The following KIRREL3 variants were observed in gnomAD, a reference collection of about 807,000 sequenced individuals.
KIRREL3 encodes the protein kirre like nephrin family adhesion molecule 3, also known as kin of IRRE-like protein 3.
A neutral mutation model predicts 89.7 loss-of-function variants in KIRREL3; 36 were observed. The ratio of observed to expected loss-of-function variants is 0.40; its 90% CI spans 0.31 to 0.53. KIRREL3 has a LOEUF of 0.53. Among genes scored for constraint, KIRREL3 ranks in the 20% least tolerant of loss-of-function variants. The pLI is 0.49. For missense variants in KIRREL3, 864 were observed against 1,056.6 expected (o/e 0.82, Z 2.53); for synonymous variants, 445 against 441.4 (o/e 1.01, Z -0.10).
At chr11:126,657,870 A>G (rs693253) in intron 1 of KIRREL3, among the ~76,000 whole-genome samples, 67,355 of 151,968 alleles carry the variant, frequency 0.44, 15,388 homozygotes, top group East Asian at 0.59. Context: ...CTTTACTGCT[A>G]TCTACCGGAA....
Position 126,872,390 on chromosome 11 carries a change from G to C in KIRREL3, c.55+128065C>G, listed in dbSNP as rs570467597. Among the ~76,000 whole-genome samples, 18 of 152,338 alleles carry C rather than the reference G, an allele frequency of 1.2e-4. No individual in the cohort carries two copies. The highest frequency in any genetic ancestry group is 4.1e-4 in the African/African-American group (17 of 41,570). Reference sequence around the variant, plus strand: ...CCATATGCTGCTATTCTGGGCATGGGCACGGGGCTTATGGGGTAGCCCTGC... The same window carrying C: ...CCATATGCTGCTATTCTGGGCATGGCCACGGGGCTTATGGGGTAGCCCTGC... On this transcript the variant is annotated intron_variant, in intron 1 of 16. Transcript: ENST00000525144. This position sits in a 1 kb window ranked among gnomAD's most constrained non-coding sequence, Gnocchi z 4.2.
rs1943837005 is a variant in KIRREL3, at chr11:126,837,991, A to T, written c.55+162464T>A. The stretch of plus-strand genomic sequence containing the variant: ...ATTTGGAATTCACGTTATTTATATT[A>T]CTAATCCTGTCCCCAGACCTGTAAG... On this transcript the variant is annotated intron_variant, in intron 1 of 16. Coordinates refer to ENST00000525144, the MANE Select transcript of KIRREL3 (RefSeq NM_032531.4). This position sits in a 1 kb window ranked among gnomAD's most constrained non-coding sequence, Gnocchi z 4.7. Among the ~76,000 whole-genome samples the T allele has an allele frequency of 6.6e-6, 1 of 152,188 alleles. No individual in the cohort carries two copies. The highest frequency in any genetic ancestry group is 6.5e-5 in the Admixed American group (1 of 15,278).
intron 1 of KIRREL3, among the ~76,000 whole-genome samples, chr11:126,923,229 T>TTC (rs1736679409): frequency 4.5e-5 from 2 of 44,672 alleles, no homozygotes; most frequent in African/African-American, 9.6e-5. Flanking sequence ...CTTCTTCTTC[T>TTC]TCTTCTTCTT....
rs548243978 is a variant in KIRREL3 at position 126,773,832 on chromosome 11, G to A, written c.56-210920C>T. The stretch of plus-strand genomic sequence containing the variant: ...CATAGATGAAAAGTAAAAACAGAAT[G>A]TGATTCCAAATTATTTGAATACTTC... On this transcript the variant is annotated intron_variant, in intron 1 of 16. Transcript: ENST00000525144. This position sits in a 1 kb window ranked among gnomAD's most constrained non-coding sequence, Gnocchi z 4.2. Among the ~76,000 whole-genome samples, 12 of 152,338 alleles carry A rather than the reference G, an allele frequency of 7.9e-5. No homozygotes were observed. The highest frequency in any genetic ancestry group is 2.6e-4 in the African/African-American group (11 of 41,576).
intron 1 of KIRREL3, among the ~76,000 whole-genome samples, chr11:126,866,566 C>T (rs1944927834): frequency 6.9e-6 from 1 of 145,896 alleles, no homozygotes; most frequent in African/African-American, 2.6e-5. Context: ...TGCCCACGGG[C>T]CTAAGTGAGG....
At position 126,998,829 on chromosome 11, in the gene KIRREL3, G is replaced by T. The variant is rs112654815; in HGVS notation, c.55+1626C>A. Among the ~76,000 whole-genome samples, 171 of 152,158 alleles carry T rather than the reference G, an allele frequency of 1.1e-3. 1 individual carries two copies. The highest frequency in any genetic ancestry group is 3.9e-3 in the African/African-American group (163 of 41,516). On this transcript the variant is annotated intron_variant, in intron 1 of 16. Transcript: ENST00000525144. ...TGCAAATGTGAGTTTGTGTGTTTACGGGGGGTTGGTTGGAAGATTCCCTCC... is the reference window on the plus strand; with the variant it reads ...TGCAAATGTGAGTTTGTGTGTTTACTGGGGGTTGGTTGGAAGATTCCCTCC...
rs915066263 is a variant in KIRREL3 at position 126,642,315 on chromosome 11, C to T, written c.56-79403G>A. 1.3e-5 allele frequency among the ~76,000 whole-genome samples: 2 copies of T among 152,238 alleles called. No homozygotes were observed. The highest frequency in any genetic ancestry group is 4.8e-5 in the African/African-American group (2 of 41,456). ...GCAAGAGGCTCTGTTTGCGCCAAGT[C>T]TCCCTGTAAACACTGTGGTTATGCC... On this transcript the variant is annotated intron_variant, in intron 1 of 16. Coordinates refer to ENST00000525144, the MANE Select transcript of KIRREL3 (RefSeq NM_032531.4). The surrounding 1 kb of genome is among the most constrained non-coding windows in gnomAD (Gnocchi z 4.9).
intron 1 of KIRREL3, among the ~76,000 whole-genome samples, chr11:126,741,322 A>C (rs1004541373): frequency 2.6e-5 from 4 of 152,142 alleles, no homozygotes; most frequent in African/African-American, 9.7e-5. Context: ...TACAGTCTTT[A>C]TGGTCTTTCA....
At chr11:126,582,345 C>T (rs1476161687) in intron 1 of KIRREL3, among the ~76,000 whole-genome samples, 1 of 152,206 alleles carries the variant, frequency 6.6e-6, no homozygotes, top group Non-Finnish European at 1.5e-5. Context: ...ACAGAGGTGC[C>T]TTCACCAGCC....
chr11:126,466,850 G>A lies in KIRREL3; in HGVS notation c.592-3543C>T, dbSNP rs61049023. On this transcript the variant is annotated intron_variant, in intron 5 of 16. Coordinates refer to ENST00000525144, the MANE Select transcript of KIRREL3 (RefSeq NM_032531.4). ...TCAGAAAGCTTCATGCCTTGCAGGT[G>A]AGCTCCAGAAGGAAGTGAGTTATTC... is the stretch of plus-strand genomic sequence containing the variant. Among the ~76,000 whole-genome samples the A allele has an allele frequency of 6.4e-3, 973 of 152,296 alleles. 14 individuals are homozygous for A. Among genetic ancestry groups the A allele is most frequent in the African/African-American group, 0.021 (875 of 41,552 alleles).
chr11:126,941,530 T>G (rs899818890), intron 1 of KIRREL3, among the ~76,000 whole-genome samples: 1 of 152,200 alleles, frequency 6.6e-6, no homozygotes, highest in African/African-American at 2.4e-5. Context: ...CCTCGCATGG[T>G]GCATAAACTG....
chr11:126,959,958 CCTT>C (rs1222651417), intron 1 of KIRREL3, among the ~76,000 whole-genome samples: 1 of 152,172 alleles, frequency 6.6e-6, no homozygotes, highest in Non-Finnish European at 1.5e-5. Context: ...ATTCTGTACT[CCTT>C]CTGGGTAGGA....
At chr11:126,839,085 C>T (rs536353295) in intron 1 of KIRREL3, among the ~76,000 whole-genome samples, 2 of 152,174 alleles carry the variant, frequency 1.3e-5, no homozygotes, top group Non-Finnish European at 1.5e-5. Flanking sequence ...CTCTAGCCAG[C>T]GATGAGCCAT....
chr11:126,832,528 G>C (rs1437801666), intron 1 of KIRREL3, among the ~76,000 whole-genome samples: 2 of 152,146 alleles, frequency 1.3e-5, no homozygotes, highest in Non-Finnish European at 2.9e-5. Context: ...AAGACAGCAG[G>C]TTCCTTGCAT....
rs1387224210 is a variant in KIRREL3, at chr11:126,440,791, A to AAAT, written c.1253-243_1253-242insATT. On this transcript the variant is annotated intron_variant, in intron 10 of 16. Coordinates refer to ENST00000525144, the MANE Select transcript of KIRREL3 (RefSeq NM_032531.4). ...GTCAGAACCCCCAGAAGATACAAAT[A>AAAT]ACTGTAATAAAAGGTGGTGAGTGTT... 5.1e-4 allele frequency: 298 copies of AAAT among 580,646 alleles called. 2 individuals carry two copies. Among genetic ancestry groups the AAAT allele is most frequent in the African/African-American group, 5.0e-3 (268 of 53,574 alleles). The allele number at this position is 580,646 out of a possible 1,614,324, so 36.0% of individuals were successfully genotyped here. A position where few individuals can be genotyped will look rare whatever the true frequency, so the allele number is the denominator to read the frequency against.
chr11:126,429,517 A>G lies in KIRREL3; in HGVS notation c.1697-229T>C, dbSNP rs1176344724. ...CCATGGCCGGCCTGCCTCCTGTCAC[A>G]TGCCCCTCAGCCATGCACCCTTGGC... On this transcript the variant is annotated intron_variant, in intron 14 of 16. Transcript: ENST00000525144. The surrounding 1 kb of genome is among the most constrained non-coding windows in gnomAD (Gnocchi z 5.2). Among the ~76,000 whole-genome samples, 3 of 152,108 alleles carry G rather than the reference A, an allele frequency of 2.0e-5. No homozygotes were observed. The highest frequency in any genetic ancestry group is 7.2e-5 in the African/African-American group (3 of 41,394).
chr11:126,863,555 ATG>A lies in KIRREL3; in HGVS notation c.55+136898_55+136899del, dbSNP rs1255411810. On this transcript the variant is annotated intron_variant, in intron 1 of 16. Transcript: ENST00000525144. ...TGAGTGCGTGTGAGTGTGTGAGTGC[ATG>A]TGTGAGTGTGTTTGACTGCGTGTGA... is the stretch of plus-strand genomic sequence containing the variant. Among the ~76,000 whole-genome samples, 2 of 70,460 alleles carry A rather than the reference ATG, an allele frequency of 2.8e-5. 1 individual carries two copies. The highest frequency in any genetic ancestry group is 1.2e-4 in the African/African-American group (2 of 17,088). The allele number at this position is 70,460 out of a possible 152,430, so 46.2% of individuals were successfully genotyped here.
chr11:126,745,528 C>G (rs1442000272), intron 1 of KIRREL3, among the ~76,000 whole-genome samples: 1 of 151,744 alleles, frequency 6.6e-6, no homozygotes, highest in African/African-American at 2.4e-5. Flanking sequence ...ACAAAACCCT[C>G]AGATAACTGG....
intron 1 of KIRREL3, among the ~76,000 whole-genome samples, chr11:126,911,035 C>T (rs945301259): frequency 6.6e-6 from 1 of 152,142 alleles, no homozygotes; most frequent in Non-Finnish European, 1.5e-5. Flanking sequence ...TGCATTTTAT[C>T]CTCTGTGGAG....
Sources: gnomAD v4.1 joint callset for allele counts (sites outside exome capture counted in the v4.1 genomes callset) on GRCh38, gnomAD v4.1.1 for gene constraint, Gnocchi (gnomAD v3.1) non-coding constraint, MANE v1.5 for transcripts, NCBI Gene and HGNC (gene_info 2026-07-23, HGNC 2026-07-21) for gene names.